The following MOB3B variants were observed in gnomAD, a reference collection of about 807,000 sequenced individuals.
MOB3B encodes MOB kinase activator-like 2B.
Under a neutral mutation model 18.7 loss-of-function variants are expected in MOB3B, and 7 were observed. The ratio of observed to expected loss-of-function variants is 0.37; its 90% CI spans 0.21 to 0.70. The LOEUF is 0.70. MOB3B is among the 30% of genes least tolerant of loss of function. The pLI, the probability that MOB3B is intolerant of heterozygous loss-of-function variation, is 0.52. For synonymous variants in MOB3B, 111 were observed against 99.9 expected (o/e 1.11, Z -0.66); for missense variants, 253 against 281.3 (o/e 0.90, Z 0.72).
intron 3 of MOB3B, among the ~76,000 whole-genome samples, chr9:27,353,091 C>T (rs1350220930): frequency 1.3e-5 from 2 of 152,164 alleles, no homozygotes; most frequent in Non-Finnish European, 2.9e-5. Flanking sequence ...AACTCCCAAT[C>T]CTAGAGGAGA....
At chr9:27,399,447 C>G (rs1221145456) in intron 2 of MOB3B, among the ~76,000 whole-genome samples, 2 of 152,202 alleles carry the variant, frequency 1.3e-5, no homozygotes, top group Non-Finnish European at 2.9e-5. Context: ...GCATCCTGTA[C>G]TCAGCTCATT....
chr9:27,409,309 C>G (rs1822030506), intron 2 of MOB3B, among the ~76,000 whole-genome samples: 1 of 152,196 alleles, frequency 6.6e-6, no homozygotes, highest in South Asian at 2.1e-4. Flanking sequence ...GAGCTAGACA[C>G]TATTTAATTC....
intron 2 of MOB3B, among the ~76,000 whole-genome samples, chr9:27,359,965 T>C (rs987275569): frequency 1.3e-5 from 2 of 152,120 alleles, no homozygotes; most frequent in African/African-American, 4.8e-5. Context: ...TTGTAATGGG[T>C]TCCTAAGCTA....
chr9:27,369,936 C>CTTTT (rs59186320), intron 2 of MOB3B, among the ~76,000 whole-genome samples: 1 of 125,952 alleles, frequency 7.9e-6, no homozygotes, highest in African/African-American at 3.0e-5. Context: ...TTTAATTGTC[C>CTTTT]TTTTTTTTTT....
In MOB3B at chr9:27,326,228, T is replaced by G. The variant is rs1262008082; in HGVS notation, c.*4359A>C. The G allele has an allele frequency of 1.3e-5, 5 of 373,532 alleles. No homozygotes were observed. The highest frequency in any genetic ancestry group is 8.3e-5 in the African/African-American group (4 of 48,126). 23.1% of individuals were successfully genotyped at this position (373,532 alleles called of 1,614,324 possible). A position where few individuals can be genotyped will look rare whatever the true frequency, so the allele number is the denominator to read the frequency against. On this transcript the variant is annotated 3_prime_UTR_variant, in exon 4 of 4. Transcript: ENST00000262244. ...ATAACAGAGAGTGATGTGGAGAGCTTTGGGAAGGTTTCACGTTGAGTTACA... is the reference window on the plus strand; with the variant it reads ...ATAACAGAGAGTGATGTGGAGAGCTGTGGGAAGGTTTCACGTTGAGTTACA...
intron 2 of MOB3B, among the ~76,000 whole-genome samples, chr9:27,450,783 T>C (rs1822772256): frequency 6.6e-6 from 1 of 152,224 alleles, no homozygotes; most frequent in African/African-American, 2.4e-5. Flanking sequence ...AAAGCCCTTC[T>C]TCAGCTTGTT....
chr9:27,417,531 T>G (rs1822171371), intron 2 of MOB3B, among the ~76,000 whole-genome samples: 2 of 152,328 alleles, frequency 1.3e-5, no homozygotes, highest in African/African-American at 4.8e-5. Context: ...ACAGCCTCCC[T>G]GTGCCCAGCT....
chr9:27,522,263 A>AAAAG (rs1563889755), intron 1 of MOB3B, among the ~76,000 whole-genome samples: 5 of 135,080 alleles, frequency 3.7e-5, no homozygotes, highest in African/African-American at 1.0e-4. Context: ...AAAAAAAAAA[A>AAAAG]AAAGAAAAGA....
chr9:27,356,779 G>A (rs968749466), intron 3 of MOB3B, among the ~76,000 whole-genome samples: 3 of 152,106 alleles, frequency 2.0e-5, no homozygotes, highest in Non-Finnish European at 4.4e-5. Flanking sequence ...CTTCATTTAC[G>A]TGGCCCTTGT....
chr9:27,461,669 A>C (rs1473124000), intron 1 of MOB3B, among the ~76,000 whole-genome samples: 1 of 152,230 alleles, frequency 6.6e-6, no homozygotes, highest in Non-Finnish European at 1.5e-5. Context: ...TTTGAATTGC[A>C]TTCTTGCTGT....
At chr9:27,412,103 G>T (rs1370859945) in intron 2 of MOB3B, among the ~76,000 whole-genome samples, 2 of 151,492 alleles carry the variant, frequency 1.3e-5, no homozygotes, top group Admixed American at 6.6e-5. Context: ...ATAATGTGTG[G>T]AAGGAGAATA....
chr9:27,344,116 A>C (rs78987436), intron 3 of MOB3B, among the ~76,000 whole-genome samples: 1 of 151,856 alleles, frequency 6.6e-6, no homozygotes, highest in African/African-American at 2.4e-5. Flanking sequence ...GAAAAAAAAA[A>C]CATAGCTATC....
At chr9:27,356,371 A>T (rs936861331) in intron 3 of MOB3B, among the ~76,000 whole-genome samples, 3 of 152,234 alleles carry the variant, frequency 2.0e-5, no homozygotes, top group Non-Finnish European at 4.4e-5. Flanking sequence ...CCAGGCCCCC[A>T]AAGAGGCCCT....
chr9:27,477,265 G>C (rs144111047), intron 1 of MOB3B, among the ~76,000 whole-genome samples: 11 of 152,246 alleles, frequency 7.2e-5, no homozygotes, highest in African/African-American at 2.6e-4. Context: ...TTGGCGTAAT[G>C]CTTCTTGGAG....
At chr9:27,446,287 A>G (rs922706798) in intron 2 of MOB3B, among the ~76,000 whole-genome samples, 49 of 152,154 alleles carry the variant, frequency 3.2e-4, no homozygotes, top group African/African-American at 1.1e-3. Context: ...TTACACTTGC[A>G]CTACAGTAGT....
At chr9:27,394,605 G>C (rs1165368348) in intron 2 of MOB3B, among the ~76,000 whole-genome samples, 4 of 152,198 alleles carry the variant, frequency 2.6e-5, no homozygotes, top group Admixed American at 2.0e-4. Flanking sequence ...ATGCCAGTGA[G>C]TAGGCAGCAA....
intron 1 of MOB3B, among the ~76,000 whole-genome samples, chr9:27,483,612 T>G (rs12350089): frequency 0.089 from 13,570 of 152,256 alleles, 711 homozygotes; most frequent in Non-Finnish European, 0.11. Context: ...TTGAATGACA[T>G]ACTTACAGTC....
At chr9:27,358,456 G>A (rs1821225687) in intron 3 of MOB3B, among the ~76,000 whole-genome samples, 2 of 152,126 alleles carry the variant, frequency 1.3e-5, no homozygotes, top group South Asian at 4.1e-4. Flanking sequence ...CATATCAAAT[G>A]TTCTCTATTC....
chr9:27,355,283 G>C (rs989950390), intron 3 of MOB3B, among the ~76,000 whole-genome samples: 1 of 152,130 alleles, frequency 6.6e-6, no homozygotes, highest in Non-Finnish European at 1.5e-5. Context: ...GGGTCTCAGA[G>C]TTCCATACTG....
Sources: allele counts gnomAD v4.1 joint callset (sites outside exome capture counted in the v4.1 genomes callset), GRCh38; gene constraint gnomAD v4.1.1; transcripts MANE v1.5; gene names NCBI Gene and HGNC (gene_info 2026-07-23, HGNC 2026-07-21).